WDR89: variants seen among roughly 807,000 people sequenced by gnomAD.
WDR89 encodes WD repeat domain 89, also known as WD repeat-containing protein 89.
In WDR89, 17 loss-of-function variants were observed where a neutral mutation model predicts 29.1. The ratio of observed to expected loss-of-function variants is 0.58; its 90% CI spans 0.40 to 0.88. WDR89 has a LOEUF of 0.88. Ranked by LOEUF, WDR89 falls within the 40% of genes least tolerant of loss-of-function variation. The pLI, the probability that WDR89 is intolerant of heterozygous loss-of-function variation, is 0.00. For synonymous variants in WDR89, 138 were observed against 157.8 expected (o/e 0.87, Z 0.94); for missense variants, 396 against 456.3 (o/e 0.87, Z 1.20).
chr14:63,616,114 T>G (rs1020996495), intron 2 of WDR89, among the ~76,000 whole-genome samples: 3 of 151,802 alleles, frequency 2.0e-5, no homozygotes, highest in African/African-American at 7.3e-5. Context: ...TAGAGCTAAA[T>G]GTACAGGGCG....
intron 2 of WDR89, among the ~76,000 whole-genome samples, chr14:63,606,084 C>T (rs1232343832): frequency 6.6e-6 from 1 of 151,928 alleles, no homozygotes; most frequent in African/African-American, 2.4e-5. Context: ...CAGCCTCAAC[C>T]TCCCAGGCTC....
chr14:63,615,754 T>C (rs1002664452), intron 2 of WDR89, among the ~76,000 whole-genome samples: 1 of 151,878 alleles, frequency 6.6e-6, no homozygotes, highest in Middle Eastern at 3.2e-3. Context: ...GCGAAACCTG[T>C]CCCTACTAAA....
intron 1 of WDR89, among the ~76,000 whole-genome samples, chr14:63,632,459 G>A (rs143168456): frequency 0.012 from 1,884 of 152,016 alleles, 57 homozygotes; most frequent in African/African-American, 0.043. Context: ...GGTGAAACCC[G>A]TCTCTACTTA....
At chr14:63,641,036 T>C (rs904110317) in intron 1 of WDR89, among the ~76,000 whole-genome samples, 7 of 142,116 alleles carry the variant, frequency 4.9e-5, no homozygotes, top group Admixed American at 1.5e-4. Context: ...GGGCGGAGGT[T>C]GCAGTAAGCC....
At chr14:63,637,464 A>G (rs1468922040) in intron 1 of WDR89, among the ~76,000 whole-genome samples, 2 of 152,234 alleles carry the variant, frequency 1.3e-5, no homozygotes, top group East Asian at 1.9e-4. Flanking sequence ...TTGCACACGC[A>G]TGTTTATAGC....
intron 2 of WDR89, among the ~76,000 whole-genome samples, chr14:63,603,263 T>TACAC (rs111304246): frequency 8.3e-4 from 125 of 149,712 alleles, no homozygotes; most frequent in African/African-American, 2.0e-3. Context: ...TTTCTCTCTC[T>TACAC]ACACACACAC....
intron 1 of WDR89, among the ~76,000 whole-genome samples, chr14:63,640,540 G>GTA (rs896734265): frequency 5.3e-5 from 8 of 151,122 alleles, no homozygotes; most frequent in African/African-American, 1.9e-4. Context: ...CCAGGCTGGA[G>GTA]TACAGTAGCA....
Position 63,630,368 on chromosome 14 carries a change from C to A in WDR89, c.-137-5335G>T, listed in dbSNP as rs560049596. ...TAAAAAGTCCAGACAAGGGGCTGGG[C>A]GCGGTAGCTCACGCCTGTAATCACA... On this transcript the variant is annotated intron_variant, in intron 1 of 2. Transcript: ENST00000620954. Among the ~76,000 whole-genome samples the A allele has an allele frequency of 2.0e-5, 3 of 150,618 alleles. No individual in the cohort carries two copies. The South Asian group carries it at 6.3e-4, about 32-fold the overall frequency.
chr14:63,635,973 G>A (rs912214203), intron 1 of WDR89, among the ~76,000 whole-genome samples: 8 of 152,116 alleles, frequency 5.3e-5, no homozygotes, highest in South Asian at 2.1e-4. Context: ...TTGGAAGGCC[G>A]GGGCAGGTGG....
At chr14:63,603,267 C>CAT (rs1040313581) in intron 2 of WDR89, among the ~76,000 whole-genome samples, 1 of 151,954 alleles carries the variant, frequency 6.6e-6, no homozygotes, top group African/African-American at 2.4e-5. Flanking sequence ...TCTCTCTACA[C>CAT]ACACACACAC....
At chr14:63,624,195 T>C (rs1041006567) in intron 2 of WDR89, among the ~76,000 whole-genome samples, 1 of 151,972 alleles carries the variant, frequency 6.6e-6, no homozygotes, top group Non-Finnish European at 1.5e-5. Flanking sequence ...AGGCCAAGCA[T>C]GGTGGCTCAC....
Position 63,599,173 on chromosome 14 carries a change from C to A in WDR89, c.770G>T (p.Arg257Leu), listed in dbSNP as rs775316974. The A allele has an allele frequency of 6.2e-7, 1 of 1,611,372 alleles. No individual in the cohort carries two copies. The highest frequency in any genetic ancestry group is 1.1e-5 in the South Asian group (1 of 90,754). Reference sequence around the variant, plus strand: ...TTCTCTGACATCCTGGATGTTCAAACGTGTAACTGGTTCATCAGTGTCCAG... The same window carrying A: ...TTCTCTGACATCCTGGATGTTCAAAAGTGTAACTGGTTCATCAGTGTCCAG... ...NHLDTDEPVT[R>L]LNIQDVREVV... is the part of the protein sequence containing the mutation. The change falls in exon 3 of 3, where the codon CGT becomes CTT. Residue 257 changes from arginine to leucine, a missense_variant. Physicochemically the swap from Arg to Leu is moderately radical, Grantham distance 102 (BLOSUM62 -2). Coordinates refer to ENST00000620954, the MANE Select transcript of WDR89 (RefSeq NM_080666.4).
chr14:63,632,887 TA>T (rs763478585), intron 1 of WDR89, among the ~76,000 whole-genome samples: 1 of 152,172 alleles, frequency 6.6e-6, no homozygotes, highest in Non-Finnish European at 1.5e-5. Context: ...CCAATAATCC[TA>T]AAAGATAGTC....
At chr14:63,639,394 T>C (rs189881520) in intron 1 of WDR89, among the ~76,000 whole-genome samples, 2 of 150,802 alleles carry the variant, frequency 1.3e-5, no homozygotes, top group East Asian at 3.9e-4. Context: ...GGTGACTCTC[T>C]TGAGTACATC....
chr14:63,631,405 G>A (rs1595038041), intron 1 of WDR89, among the ~76,000 whole-genome samples: 3 of 151,848 alleles, frequency 2.0e-5, no homozygotes, highest in African/African-American at 7.2e-5. Flanking sequence ...TAACTCTGTG[G>A]CCCAGGCTGG....
intron 1 of WDR89, among the ~76,000 whole-genome samples, chr14:63,641,097 CAAAAAA>C (rs57478091): frequency 8.9e-4 from 57 of 64,198 alleles, no homozygotes; most frequent in Non-Finnish European, 1.8e-3. Flanking sequence ...GACTCCATCT[CAAAAAA>C]AAAAAAAAAA....
chr14:63,632,431 G>C (rs1024809533), intron 1 of WDR89, among the ~76,000 whole-genome samples: 7 of 152,078 alleles, frequency 4.6e-5, no homozygotes, highest in Admixed American at 4.6e-4. Flanking sequence ...AGGAGTTCAA[G>C]ACCAGCCTGG....
intron 1 of WDR89, among the ~76,000 whole-genome samples, chr14:63,627,170 T>A (rs1566798765): frequency 1.3e-5 from 2 of 148,810 alleles, no homozygotes; most frequent in African/African-American, 5.0e-5. Context: ...TCTCTCTCTC[T>A]CTCTCTCTCT....
chr14:63,630,104 T>C (rs974242760), intron 1 of WDR89, among the ~76,000 whole-genome samples: 1 of 152,004 alleles, frequency 6.6e-6, no homozygotes, highest in Non-Finnish European at 1.5e-5. Flanking sequence ...TATGCCACCA[T>C]GCCCGGCTAA....
Sources: gnomAD v4.1 joint callset for allele counts (sites outside exome capture counted in the v4.1 genomes callset) on GRCh38, gnomAD v4.1.1 for gene constraint, MANE v1.5 for transcripts, NCBI Gene and HGNC (gene_info 2026-07-23, HGNC 2026-07-21) for gene names.